The following FAM3C variants were observed in gnomAD, a reference collection of about 807,000 sequenced individuals.
FAM3C encodes protein FAM3C.
In FAM3C, 15 loss-of-function variants were observed where a neutral mutation model predicts 32.5. That is an observed-to-expected ratio of 0.46 (90% CI 0.31 to 0.71). The LOEUF is 0.71. Among genes scored for constraint, FAM3C ranks in the 30% least tolerant of loss-of-function variants. The pLI, the probability that FAM3C is intolerant of heterozygous loss-of-function variation, is 0.05. For missense variants in FAM3C, 175 were observed against 274.4 expected (o/e 0.64, Z 2.56); for synonymous variants, 75 against 86.1 (o/e 0.87, Z 0.72).
chr7:121,381,826 G>GC (rs1794363861), intron 2 of FAM3C, among the ~76,000 whole-genome samples: 1 of 152,094 alleles, frequency 6.6e-6, no homozygotes, highest in African/African-American at 2.4e-5. Context: ...AAGAGATTCA[G>GC]TTTTTCAAGT....
chr7:121,373,938 G>C (rs544448782), intron 3 of FAM3C, among the ~76,000 whole-genome samples: 4 of 151,324 alleles, frequency 2.6e-5, no homozygotes, highest in African/African-American at 7.3e-5. Context: ...GGAGCTTGTG[G>C]TGAGCCGAGA....
intron 2 of FAM3C, among the ~76,000 whole-genome samples, chr7:121,379,331 C>T (rs1440583184): frequency 1.3e-5 from 2 of 152,016 alleles, no homozygotes; most frequent in African/African-American, 4.8e-5. Context: ...ACACCACCAC[C>T]AAGTTTGTTG....
chr7:121,395,970 A>G (rs894118368), intron 1 of FAM3C, among the ~76,000 whole-genome samples, 192 bp downstream of exon 1: 2 of 150,124 alleles, frequency 1.3e-5, no homozygotes, highest in Non-Finnish European at 3.0e-5. Context: ...GCTCTCCGGG[A>G]CCCCAGTCCC....
intron 1 of FAM3C, among the ~76,000 whole-genome samples, chr7:121,390,119 A>G (rs569341060): frequency 1.3e-5 from 2 of 152,326 alleles, no homozygotes; most frequent in South Asian, 2.1e-4. Flanking sequence ...TTAAAATCTC[A>G]TATCTGCTAT....
intron 1 of FAM3C, among the ~76,000 whole-genome samples, chr7:121,387,059 G>A (rs1398331126): frequency 6.6e-6 from 1 of 152,052 alleles, no homozygotes; most frequent in Non-Finnish European, 1.5e-5. Context: ...CTGCAATTAC[G>A]CCACTCTGCA....
rs1043482286 is a variant in FAM3C, at chr7:121,349,098, G to A, written c.*1363C>T. 4.6e-5 allele frequency: 7 copies of A among 152,116 alleles called. No individual in the cohort carries two copies. Among genetic ancestry groups the A allele is most frequent in the African/African-American group, 7.3e-5 (3 of 41,284 alleles). The allele number at this position is 152,116 out of a possible 1,614,324, so 9.4% of individuals were successfully genotyped here. A position where few individuals can be genotyped will look rare whatever the true frequency, so the allele number is the denominator to read the frequency against. On this transcript the variant is annotated 3_prime_UTR_variant, in exon 10 of 10. Transcript: ENST00000359943. ...ATGAATTAATTACATTCAGTTTGAAGGAAGAAACAGTACTCCAAAGTTCAT... is the reference window on the plus strand; with the variant it reads ...ATGAATTAATTACATTCAGTTTGAAAGAAGAAACAGTACTCCAAAGTTCAT...
rs1467568596 is a variant in FAM3C at position 121,382,918 on chromosome 7, C to T, written c.13+39G>A. ...GTTATTCTTTAACAAACAGGTTACA[C>T]AAAAAGTACAATTACTTCTACTAAA... On this transcript the variant is annotated intron_variant, in intron 2 of 9. Transcript: ENST00000359943. 11 of 1,520,558 alleles carry T rather than the reference C, an allele frequency of 7.2e-6. No individual in the cohort carries two copies. The South Asian group carries it at 1.3e-4, about 18-fold the overall frequency. 94.2% of individuals were successfully genotyped at this position (1,520,558 alleles called of 1,614,324 possible). A position where few individuals can be genotyped will look rare whatever the true frequency, so the allele number is the denominator to read the frequency against.
intron 8 of FAM3C, among the ~76,000 whole-genome samples, chr7:121,355,930 C>T (rs1793799544): frequency 6.6e-6 from 1 of 151,492 alleles, no homozygotes; most frequent in South Asian, 2.1e-4. Flanking sequence ...AGTGGGCCTA[C>T]ATCAGCAAAA....
In FAM3C at chr7:121,364,166, T is replaced by G. The variant is rs760998689; in HGVS notation, c.295A>C (p.Asn99His). 1.3e-6 allele frequency: 2 copies of G among 1,599,124 alleles called. No homozygotes were observed. The highest frequency in any genetic ancestry group is 8.6e-7 in the Non-Finnish European group (1 of 1,166,738). ...DNVLMSGVKN[N>H]VGRGINVALA... ...GCAACATTGATCCCTCTTCCAACAT[T>G]ATTCTTAACACCACTCATTAAACTG... The change falls in exon 6 of 10, where the codon AAT (asparagine) becomes CAT (histidine). Residue 99 changes from asparagine to histidine, a missense_variant. Coordinates refer to ENST00000359943, the MANE Select transcript of FAM3C (RefSeq NM_014888.3).
intron 1 of FAM3C, among the ~76,000 whole-genome samples, chr7:121,390,853 C>CGGGGG (rs58750532): frequency 4.0e-4 from 3 of 7,458 alleles, no homozygotes; most frequent in Admixed American, 1.6e-3. Context: ...CTGTGTGGGG[C>CGGGGG]GGGGGGGGGG....
chr7:121,392,668 A>G (rs1486475049), intron 1 of FAM3C, among the ~76,000 whole-genome samples: 1 of 152,248 alleles, frequency 6.6e-6, no homozygotes, highest in Non-Finnish European at 1.5e-5. Flanking sequence ...TATGTTAGGT[A>G]GCACACCTGA....
chr7:121,349,644 T>C lies in FAM3C; in HGVS notation c.*817A>G, dbSNP rs540942710. On this transcript the variant is annotated 3_prime_UTR_variant, in exon 10 of 10. Transcript: ENST00000359943. Reference sequence around the variant, plus strand: ...GCTGATAACAATTAAGAAAAACGTATGCTAGTATTGCTCTAAATATACTGA... The same window carrying C: ...GCTGATAACAATTAAGAAAAACGTACGCTAGTATTGCTCTAAATATACTGA... 6.6e-6 allele frequency: 1 copy of C among 152,518 alleles called. No homozygotes were observed. The highest frequency in any genetic ancestry group is 1.9e-4 in the East Asian group (1 of 5,182). 9.4% of individuals were successfully genotyped at this position (152,518 alleles called of 1,614,324 possible).
At chr7:121,376,185 T>C (rs1261149966) in intron 3 of FAM3C, among the ~76,000 whole-genome samples, 2 of 152,216 alleles carry the variant, frequency 1.3e-5, no homozygotes, top group Non-Finnish European at 2.9e-5. Flanking sequence ...TACTTTGCAG[T>C]AACTACTTTT....
intron 6 of FAM3C, among the ~76,000 whole-genome samples, chr7:121,363,847 C>A (rs993546943): frequency 1.3e-5 from 2 of 152,118 alleles, no homozygotes; most frequent in Non-Finnish European, 2.9e-5. Flanking sequence ...TGTTAGGATT[C>A]CAAAATTTGA....
At chr7:121,353,242 A>C (rs979826937) in intron 8 of FAM3C, among the ~76,000 whole-genome samples, 1 of 152,214 alleles carries the variant, frequency 6.6e-6, no homozygotes, top group African/African-American at 2.4e-5. Context: ...ATTTTGCACC[A>C]ACTAAGAAAT....
chr7:121,369,090 G>C (rs568648998), intron 5 of FAM3C, among the ~76,000 whole-genome samples: 2 of 148,402 alleles, frequency 1.3e-5, no homozygotes, highest in Non-Finnish European at 3.0e-5. Context: ...AGAGATTCTC[G>C]TGCCTCAGCC....
chr7:121,395,242 CATATATATGGAT>C (rs1794661610), intron 1 of FAM3C, among the ~76,000 whole-genome samples: 1 of 47,080 alleles, frequency 2.1e-5, no homozygotes, highest in Non-Finnish European at 4.3e-5. Flanking sequence ...TACATACATA[CATATATATGGAT>C]ACATACATAT....
chr7:121,357,037 G>A (rs1793828195), intron 8 of FAM3C, among the ~76,000 whole-genome samples: 1 of 152,150 alleles, frequency 6.6e-6, no homozygotes, highest in Admixed American at 6.5e-5. Context: ...CCGAAAAGGG[G>A]CAAAATATAA....
intron 5 of FAM3C, among the ~76,000 whole-genome samples, chr7:121,368,795 C>T (rs1264814337): frequency 1.3e-5 from 2 of 151,892 alleles, no homozygotes; most frequent in Non-Finnish European, 2.9e-5. Context: ...CAAGGATGGT[C>T]TTCCTTTCTA....
Sources: gnomAD v4.1 joint callset for allele counts (sites outside exome capture counted in the v4.1 genomes callset) on GRCh38, gnomAD v4.1.1 for gene constraint, MANE v1.5 for transcripts, NCBI Gene and HGNC (gene_info 2026-07-23, HGNC 2026-07-21) for gene names.